Variants in FBP1 observed in about 807,000 individuals in gnomAD.
The protein encoded by FBP1 is fructose-bisphosphatase 1, also known as fructose-1,6-bisphosphatase 1.
FBP1 carries 22 observed loss-of-function variants against 29.9 expected under a neutral mutation model. That is an observed-to-expected ratio of 0.74 (90% CI 0.53 to 1.05). The LOEUF (loss-of-function observed/expected upper bound fraction) is 1.05. Among genes scored for constraint, FBP1 ranks in the 50% least tolerant of loss-of-function variants. The pLI, the probability that FBP1 is intolerant of heterozygous loss-of-function variation, is 0.00. For missense variants in FBP1, 345 were observed against 448.2 expected (o/e 0.77, Z 2.08); for synonymous variants, 175 against 178.6 (o/e 0.98, Z 0.16).
intron 1 of FBP1, among the ~76,000 whole-genome samples, chr9:94,628,108 C>T (rs1223622312): frequency 6.6e-6 from 1 of 152,204 alleles, no homozygotes; most frequent in African/African-American, 2.4e-5. Context: ...CAGAGGTGGC[C>T]AGACACAGTG....
intron 1 of FBP1, among the ~76,000 whole-genome samples, chr9:94,623,796 G>A (rs1000539536): frequency 1.7e-4 from 26 of 152,346 alleles, no homozygotes; most frequent in African/African-American, 5.3e-4. Flanking sequence ...TTACAGTGCC[G>A]AACACGGTAG....
intron 1 of FBP1, among the ~76,000 whole-genome samples, chr9:94,621,206 T>G (rs1388306233): frequency 2.2e-5 from 2 of 90,872 alleles, no homozygotes; most frequent in African/African-American, 4.8e-5. Context: ...AGAGCGAGAC[T>G]CCGTCTCAAA....
intron 1 of FBP1, 24 bp downstream of exon 1, chr9:94,639,117 C>T (rs945825209): frequency 1.3e-6 from 2 of 1,575,448 alleles, no homozygotes; most frequent in South Asian, 2.3e-5. Context: ...CAGGACGGGG[C>T]CCACCGCCCA....
At chr9:94,608,577 A>T (rs563958299) in intron 4 of FBP1, among the ~76,000 whole-genome samples, 2 of 152,256 alleles carry the variant, frequency 1.3e-5, no homozygotes, top group Admixed American at 6.5e-5. Context: ...GCTCAGGTGG[A>T]ACTTTGCTCT....
intron 1 of FBP1, among the ~76,000 whole-genome samples, chr9:94,634,069 A>G (rs1453862985): frequency 6.6e-6 from 1 of 150,536 alleles, no homozygotes; most frequent in East Asian, 2.1e-4. Flanking sequence ...CGGGGCGGGC[A>G]GATCACCTGA....
chr9:94,620,073 T>C (rs957937156), intron 2 of FBP1, among the ~76,000 whole-genome samples: 1 of 151,960 alleles, frequency 6.6e-6, no homozygotes, highest in East Asian at 1.9e-4. Flanking sequence ...AACATGGCAA[T>C]AAAAAGTTAG....
intron 3 of FBP1, among the ~76,000 whole-genome samples, chr9:94,610,381 A>G (rs1221133404): frequency 1.3e-5 from 2 of 152,116 alleles, no homozygotes; most frequent in African/African-American, 4.8e-5. Context: ...CACTAATTTA[A>G]TCTTATTACG....
intron 6 of FBP1, chr9:94,603,965 A>G (rs930991141): frequency 7.1e-5 from 23 of 324,132 alleles, no homozygotes; most frequent in African/African-American, 4.3e-4. Flanking sequence ...GCAATAAAAA[A>G]AATCCATGGT....
At position 94,616,463 on chromosome 9, in the gene FBP1, C is replaced by T. The variant is rs996951977; in HGVS notation, c.426+1305G>A. ...TATATATATACTTTTTTTTTTGAGA[C>T]GGAGTCTTGTTCTGTTGCCCAGGCT... On this transcript the variant is annotated intron_variant, in intron 3 of 6. Coordinates refer to ENST00000375326, the MANE Select transcript of FBP1 (RefSeq NM_000507.4). Among the ~76,000 whole-genome samples the T allele has an allele frequency of 4.3e-5, 6 of 139,744 alleles. No homozygotes were observed. The South Asian group carries it at 6.3e-4, about 15-fold the overall frequency. The allele number at this position is 139,744 out of a possible 152,430, so 91.7% of individuals were successfully genotyped here.
chr9:94,633,908 G>A (rs1164488081), intron 1 of FBP1, among the ~76,000 whole-genome samples: 3 of 151,080 alleles, frequency 2.0e-5, no homozygotes, highest in South Asian at 2.1e-4. Flanking sequence ...GGGTTTCACC[G>A]TGTTGGCCAG....
intron 1 of FBP1, among the ~76,000 whole-genome samples, chr9:94,623,072 C>T (rs1045141060): frequency 7.9e-5 from 12 of 152,188 alleles, no homozygotes; most frequent in African/African-American, 2.9e-4. Context: ...GCAACCTCCG[C>T]CTCCCAGGTT....
intron 3 of FBP1, among the ~76,000 whole-genome samples, chr9:94,614,401 G>A (rs186019701): frequency 6.6e-6 from 1 of 152,082 alleles, no homozygotes; most frequent in Non-Finnish European, 1.5e-5. Context: ...TTAGCCAAGC[G>A]TGGTGGTGGG....
chr9:94,632,430 G>A (rs936945831), intron 1 of FBP1, among the ~76,000 whole-genome samples: 1 of 152,214 alleles, frequency 6.6e-6, no homozygotes, highest in African/African-American at 2.4e-5. Flanking sequence ...AGCACTTTGG[G>A]AGGCTGAGGC....
chr9:94,616,282 G>C (rs1408401690), intron 3 of FBP1, among the ~76,000 whole-genome samples: 2 of 152,002 alleles, frequency 1.3e-5, no homozygotes, highest in Admixed American at 1.3e-4. Flanking sequence ...ACTTAGAAGG[G>C]GGTGATGGGA....
At chr9:94,638,640 G>A (rs1247121193) in intron 1 of FBP1, among the ~76,000 whole-genome samples, 1 of 148,750 alleles carries the variant, frequency 6.7e-6, no homozygotes, top group African/African-American at 2.4e-5. Context: ...GGGGCGGGGG[G>A]GACACTCGCT....
intron 4 of FBP1, among the ~76,000 whole-genome samples, chr9:94,607,688 G>T (rs1305108583): frequency 1.3e-5 from 2 of 152,154 alleles, no homozygotes; most frequent in Non-Finnish European, 2.9e-5. Flanking sequence ...ATTGTTATGG[G>T]TTCCTGTGTG....
At chr9:94,623,996 G>T (rs1827984667) in intron 1 of FBP1, among the ~76,000 whole-genome samples, 1 of 152,186 alleles carries the variant, frequency 6.6e-6, no homozygotes, top group Non-Finnish European at 1.5e-5. Flanking sequence ...AAGATCTCTA[G>T]GGGGGCATTC....
chr9:94,638,936 C>G (rs1015038667), intron 1 of FBP1, among the ~76,000 whole-genome samples: 3 of 152,128 alleles, frequency 2.0e-5, no homozygotes, highest in Non-Finnish European at 2.9e-5. Context: ...CCTCCAAGGT[C>G]AAGGGAGGAG....
intron 2 of FBP1, among the ~76,000 whole-genome samples, chr9:94,619,935 C>T (rs1014353561): frequency 6.9e-6 from 1 of 145,496 alleles, no homozygotes; most frequent in African/African-American, 2.6e-5. Context: ...GACTCCAATG[C>T]GTGCATCAGG....
Sources: gnomAD v4.1 joint callset for allele counts (sites outside exome capture counted in the v4.1 genomes callset) on GRCh38, gnomAD v4.1.1 for gene constraint, MANE v1.5 for transcripts, NCBI Gene and HGNC (gene_info 2026-07-23, HGNC 2026-07-21) for gene names.